RIMS2: variants seen among roughly 807,000 people sequenced by gnomAD.
The protein encoded by RIMS2 is regulating synaptic membrane exocytosis protein 2.
RIMS2 carries 59 observed loss-of-function variants against 174.4 expected under a neutral mutation model. The observed-to-expected ratio is 0.34, with a 90% confidence interval of 0.27 to 0.42. The LOEUF (loss-of-function observed/expected upper bound fraction) is 0.42, where lower values mean the gene tolerates loss of function less well. RIMS2 is among the 10% of genes least tolerant of loss of function. The pLI, the probability that RIMS2 is intolerant of heterozygous loss-of-function variation, is 1.00. For synonymous variants in RIMS2, 606 were observed against 572.5 expected, an observed-to-expected ratio of 1.06 and a Z score of -0.84; for missense variants, 1,620 against 1,666.3, an observed-to-expected ratio of 0.97 and a Z score of 0.48.
intron 19 of RIMS2, among the ~76,000 whole-genome samples, chr8:104,096,683 C>T (rs1375331437): frequency 1.3e-5 from 2 of 151,952 alleles, no homozygotes; most frequent in Non-Finnish European, 2.9e-5. Context: ...TCCTGGCCAA[C>T]GTGGTGAAAC....
intron 19 of RIMS2, among the ~76,000 whole-genome samples, chr8:104,238,442 G>A (rs2099270321): frequency 1.3e-5 from 2 of 151,398 alleles, no homozygotes; most frequent in Admixed American, 1.3e-4. Flanking sequence ...TTCTGCACAT[G>A]TATCCCAGAA....
At chr8:103,625,222 G>T (rs1345011391) in intron 1 of RIMS2, among the ~76,000 whole-genome samples, 3 of 151,522 alleles carry the variant, frequency 2.0e-5, no homozygotes, top group African/African-American at 4.9e-5. Context: ...GGGTACATGT[G>T]CACAAACAAA....
chr8:103,573,725 A>AT (rs935034206), intron 1 of RIMS2, among the ~76,000 whole-genome samples: 21 of 152,084 alleles, frequency 1.4e-4, no homozygotes, highest in Non-Finnish European at 2.5e-4. Flanking sequence ...GAATTTTAGA[A>AT]TTTTTTTAAT....
chr8:103,689,111 A>G (rs1011912568), intron 1 of RIMS2, among the ~76,000 whole-genome samples: 13 of 151,940 alleles, frequency 8.6e-5, no homozygotes, highest in African/African-American at 3.1e-4. Flanking sequence ...TCTTTGACCC[A>G]CTGGTCATTC....
intron 4 of RIMS2, among the ~76,000 whole-genome samples, chr8:103,899,061 T>C (rs2099311498): frequency 6.6e-6 from 1 of 151,792 alleles, no homozygotes; most frequent in African/African-American, 2.4e-5. Context: ...TCATCAATTT[T>C]TATGGCTGCA....
rs570343583 is a variant in RIMS2, at chr8:103,624,457, T to A, written c.177-72629T>A. Among the ~76,000 whole-genome samples, 4 of 152,312 alleles carry A rather than the reference T, an allele frequency of 2.6e-5. No homozygotes were observed. In the East Asian group the frequency reaches 7.7e-4, roughly 29 times the overall value. On this transcript the variant is annotated intron_variant, in intron 1 of 23. Coordinates refer to ENST00000504942, the Ensembl canonical transcript of RIMS2. ...CACCACTGATTTCCTAGCTCGCAAA[T>A]GGCAGACTGTGGGACTTCTTAGCCT...
intron 1 of RIMS2, among the ~76,000 whole-genome samples, chr8:103,579,288 C>T (rs2093459613): frequency 6.6e-6 from 1 of 151,398 alleles, no homozygotes; most frequent in South Asian, 2.1e-4. Flanking sequence ...CACACACACA[C>T]AGACACACAC....
chr8:103,841,044 G>A (rs2098936730), intron 3 of RIMS2, among the ~76,000 whole-genome samples: 1 of 152,164 alleles, frequency 6.6e-6, no homozygotes, highest in Non-Finnish European at 1.5e-5. Flanking sequence ...AAAGAGCACA[G>A]GGTATTTTCA....
chr8:103,651,455 T>G (rs116724256), intron 1 of RIMS2, among the ~76,000 whole-genome samples: 1,766 of 152,350 alleles, frequency 0.012, 49 homozygotes, highest in African/African-American at 0.041. Flanking sequence ...TTTTAGATTT[T>G]TGTAATATAA....
chr8:103,730,523 A>AC (rs2097578046), intron 2 of RIMS2, among the ~76,000 whole-genome samples: 1 of 152,086 alleles, frequency 6.6e-6, no homozygotes, highest in South Asian at 2.1e-4. Context: ...TTCTATTTAT[A>AC]TCTTATTATA....
At chr8:103,900,935 G>T (rs1211909151) in intron 4 of RIMS2, among the ~76,000 whole-genome samples, 1 of 152,058 alleles carries the variant, frequency 6.6e-6, no homozygotes, top group African/African-American at 2.4e-5. Context: ...TATATAGATT[G>T]GGCATATCTT....
intron 19 of RIMS2, among the ~76,000 whole-genome samples, chr8:104,075,504 A>T (rs565037028): frequency 6.6e-6 from 1 of 152,280 alleles, no homozygotes; most frequent in South Asian, 2.1e-4. Flanking sequence ...ATGATTTTCA[A>T]CTCGAGCCAA....
Position 103,841,192 on chromosome 8 carries a change from C to T in RIMS2, c.699-44106C>T, listed in dbSNP as rs189856717. On this transcript the variant is annotated intron_variant, in intron 3 of 23. Coordinates refer to ENST00000504942, the Ensembl canonical transcript of RIMS2. ...TTTATTTATTGACAATTAATTAGTACCATGTGTCCTCCCACTACATACATT... is the reference window on the plus strand; with the variant it reads ...TTTATTTATTGACAATTAATTAGTATCATGTGTCCTCCCACTACATACATT... Among the ~76,000 whole-genome samples the T allele has an allele frequency of 1.8e-4, 27 of 152,238 alleles. 1 individual carries two copies. Among genetic ancestry groups the T allele is most frequent in the Admixed American group, 1.7e-3 (26 of 15,300 alleles).
At chr8:104,236,382 C>T (rs1447082) in intron 19 of RIMS2, among the ~76,000 whole-genome samples, 28,352 of 151,860 alleles carry the variant, frequency 0.19, 2,900 homozygotes, top group Non-Finnish European at 0.23. Context: ...TTGTAATATC[C>T]AGTGCTGACC....
intron 20 of RIMS2, among the ~76,000 whole-genome samples, chr8:104,247,719 G>C (rs1019706377): frequency 6.6e-6 from 1 of 152,138 alleles, no homozygotes; most frequent in Non-Finnish European, 1.5e-5. Flanking sequence ...ACAGGAGCAT[G>C]GAGAGAGTCA....
intron 4 of RIMS2, among the ~76,000 whole-genome samples, chr8:103,907,306 G>A (rs2154526233): frequency 6.6e-6 from 1 of 152,166 alleles, no homozygotes; most frequent in East Asian, 1.9e-4. Flanking sequence ...ACTTCCCTTG[G>A]TTCTTCAGTT....
intron 15 of RIMS2, among the ~76,000 whole-genome samples, chr8:103,969,215 G>A (rs778545043): frequency 3.9e-5 from 6 of 151,906 alleles, no homozygotes; most frequent in Non-Finnish European, 8.8e-5. Context: ...TAGATCTGTG[G>A]TCTGTGGCTT....
chr8:103,679,132 G>A (rs972346202), intron 1 of RIMS2, among the ~76,000 whole-genome samples: 6 of 151,950 alleles, frequency 3.9e-5, no homozygotes, highest in African/African-American at 1.2e-4. Flanking sequence ...TTACCAGATA[G>A]CAAAGCAAGT....
exon 3 of RIMS2, chr8:103,766,314 C>T (rs1317039030): frequency 1.2e-6 from 2 of 1,612,994 alleles, no homozygotes; most frequent in African/African-American, 2.7e-5. Context: ...ATCTAATACA[C>T]CACAGCAACC....
Sources: allele counts gnomAD v4.1 joint callset (sites outside exome capture counted in the v4.1 genomes callset), GRCh38; gene constraint gnomAD v4.1.1; transcripts MANE v1.5; gene names NCBI Gene and HGNC (gene_info 2026-07-23, HGNC 2026-07-21).